FOXK1: variants seen among roughly 807,000 people sequenced by gnomAD.
The protein encoded by FOXK1 is forkhead box K1.
A neutral mutation model predicts 51.9 loss-of-function variants in FOXK1; 19 were observed. The ratio of observed to expected loss-of-function variants is 0.37; its 90% CI spans 0.26 to 0.54. The LOEUF (loss-of-function observed/expected upper bound fraction) is 0.54. Among genes scored for constraint, FOXK1 ranks in the 20% least tolerant of loss-of-function variants. The probability of loss-of-function intolerance (pLI) is 0.87; values close to 1 mark genes in which losing one functional copy is unlikely to be tolerated. For missense variants in FOXK1, 870 were observed against 1,032.7 expected (o/e 0.84, Z 2.16); for synonymous variants, 537 against 482.6 (o/e 1.11, Z -1.48).
At chr7:4,704,136 A>T (rs1343134740) in intron 1 of FOXK1, among the ~76,000 whole-genome samples, 1 of 152,090 alleles carries the variant, frequency 6.6e-6, no homozygotes, top group African/African-American at 2.4e-5. Context: ...AAGGTGAAAG[A>T]TTTTTTAAAA....
At chr7:4,701,586 T>C (rs938713359) in intron 1 of FOXK1, among the ~76,000 whole-genome samples, 3 of 151,986 alleles carry the variant, frequency 2.0e-5, no homozygotes, top group African/African-American at 4.8e-5. Flanking sequence ...CAAGATTCTG[T>C]CCCTGCAAAA....
At chr7:4,737,449 CGTGCACGT>C (rs1780567447) in intron 1 of FOXK1, among the ~76,000 whole-genome samples, 1 of 149,644 alleles carries the variant, frequency 6.7e-6, no homozygotes, top group Non-Finnish European at 1.5e-5. Context: ...CGTGTGTGTG[CGTGCACGT>C]GTGCATGTGT....
intron 1 of FOXK1, among the ~76,000 whole-genome samples, chr7:4,705,328 C>T (rs547822404): frequency 4.3e-4 from 65 of 151,764 alleles, no homozygotes; most frequent in African/African-American, 1.5e-3. Context: ...GCTGGGACTA[C>T]AGGCGCATGC....
Position 4,756,315 on chromosome 7 carries a change from A to G in FOXK1, c.1051-679A>G, listed in dbSNP as rs1465162009. 6.6e-6 allele frequency among the ~76,000 whole-genome samples: 1 copy of G among 151,940 alleles called. No homozygotes were observed. Among genetic ancestry groups the G allele is most frequent in the Non-Finnish European group, 1.5e-5 (1 of 67,976 alleles). On this transcript the variant is annotated intron_variant, in intron 4 of 8. Coordinates refer to ENST00000328914, the MANE Select transcript of FOXK1 (RefSeq NM_001037165.2). The surrounding 1 kb of genome is among the most constrained non-coding windows in gnomAD (Gnocchi z 4.1). ...TTTTTAGTAGAGATGGGGTTTCACCATGTTGCCCAGGCTGGTCTCAAACTC... is the reference window on the plus strand; with the variant it reads ...TTTTTAGTAGAGATGGGGTTTCACCGTGTTGCCCAGGCTGGTCTCAAACTC...
In FOXK1 at chr7:4,766,070, T is replaced by A. The variant is rs1364803789; in HGVS notation, c.*3606T>A. The A allele has an allele frequency of 6.6e-6, 1 of 152,360 alleles. No individual in the cohort carries two copies. The highest frequency in any genetic ancestry group is 1.5e-5 in the Non-Finnish European group (1 of 68,116). The allele number at this position is 152,360 out of a possible 1,614,324, so 9.4% of individuals were successfully genotyped here. On this transcript the variant is annotated 3_prime_UTR_variant, in exon 9 of 9. Transcript: ENST00000328914. The surrounding 1 kb of genome is among the most constrained non-coding windows in gnomAD (Gnocchi z 5.5). ...TGCCCATCCTCAGCCACTTGTGTCT[T>A]TCTTTCCATGTGGGAGTTCTCCCGG...
chr7:4,718,199 G>A (rs1418196353), intron 1 of FOXK1, among the ~76,000 whole-genome samples: 1 of 150,402 alleles, frequency 6.6e-6, no homozygotes, highest in Non-Finnish European at 1.5e-5. Context: ...TCACAGCCGG[G>A]AAGTTGGCAT....
intron 1 of FOXK1, among the ~76,000 whole-genome samples, chr7:4,738,771 A>C (rs539413061): frequency 6.6e-6 from 1 of 152,216 alleles, no homozygotes; most frequent in Non-Finnish European, 1.5e-5. Context: ...AGCGCCTGGC[A>C]CTGAACGATG....
Position 4,747,616 on chromosome 7 carries a change from A to G in FOXK1, c.746+6593A>G, listed in dbSNP as rs1454083077. 1.3e-5 allele frequency among the ~76,000 whole-genome samples: 2 copies of G among 151,184 alleles called. No individual in the cohort carries two copies. Among genetic ancestry groups the G allele is most frequent in the Non-Finnish European group, 3.0e-5 (2 of 67,764 alleles). On this transcript the variant is annotated intron_variant, in intron 2 of 8. Transcript: ENST00000328914. The surrounding 1 kb of genome is among the most constrained non-coding windows in gnomAD (Gnocchi z 9.2). ...AGTGGCACAGTCACAGCTCACTGCA[A>G]CCTCAACCTCCCGGGCTCAAGCGAT...
At position 4,745,426 on chromosome 7, in the gene FOXK1, C is replaced by G. The variant is rs1368862075; in HGVS notation, c.746+4403C>G. 4.0e-5 allele frequency among the ~76,000 whole-genome samples: 6 copies of G among 150,992 alleles called. No homozygotes were observed. Among genetic ancestry groups the G allele is most frequent in the East Asian group, 2.0e-4 (1 of 5,050 alleles). On this transcript the variant is annotated intron_variant, in intron 2 of 8. Coordinates refer to ENST00000328914, the MANE Select transcript of FOXK1 (RefSeq NM_001037165.2). This position sits in a 1 kb window ranked among gnomAD's most constrained non-coding sequence, Gnocchi z 4.3. Reference sequence around the variant, plus strand: ...TTCCTTTCCGTTTCTCGCAGGCCCTCGCTCCTTTTCCCAGGGTGGGTGGGT... The same window carrying G: ...TTCCTTTCCGTTTCTCGCAGGCCCTGGCTCCTTTTCCCAGGGTGGGTGGGT...
Position 4,749,301 on chromosome 7 carries a change from C to T in FOXK1, c.747-5158C>T, listed in dbSNP as rs1281147018. ...GGCTTCCCTGGGTCCCTCTTCTCTT[C>T]TGTTTTGCACCATGTTCCACCTGGT... On this transcript the variant is annotated intron_variant, in intron 2 of 8. Transcript: ENST00000328914. The surrounding 1 kb of genome is among the most constrained non-coding windows in gnomAD (Gnocchi z 6.0). Among the ~76,000 whole-genome samples, 1 of 152,196 alleles carries T rather than the reference C, an allele frequency of 6.6e-6. No individual in the cohort carries two copies. Among genetic ancestry groups the T allele is most frequent in the Non-Finnish European group, 1.5e-5 (1 of 68,042 alleles).
chr7:4,762,041 G>C lies in FOXK1; in HGVS notation c.1922-143G>C, dbSNP rs1780939255. On this transcript the variant is annotated intron_variant, in intron 8 of 8. Coordinates refer to ENST00000328914, the MANE Select transcript of FOXK1 (RefSeq NM_001037165.2). This position sits in a 1 kb window ranked among gnomAD's most constrained non-coding sequence, Gnocchi z 5.7. ...GGGACGGCAGGGCCCGCAGGGAGCA[G>C]AGCAAGGGTAGCCGTCCTGCCTGGC... is the stretch of plus-strand genomic sequence containing the variant. 14 of 961,992 alleles carry C rather than the reference G, an allele frequency of 1.5e-5. No individual in the cohort carries two copies. The highest frequency in any genetic ancestry group is 2.4e-4 in the Middle Eastern group (1 of 4,122). 59.6% of individuals were successfully genotyped at this position (961,992 alleles called of 1,614,324 possible). A position where few individuals can be genotyped will look rare whatever the true frequency, so the allele number is the denominator to read the frequency against.
rs1168553366 is a variant in FOXK1, at chr7:4,771,044, T to G, written c.*8580T>G. Reference sequence around the variant, plus strand: ...ATGTGAAGTTCTGGTCATGTCACCTTGCGTGTCTCACCCTGGAGGAGTGAA... The same window carrying G: ...ATGTGAAGTTCTGGTCATGTCACCTGGCGTGTCTCACCCTGGAGGAGTGAA... On this transcript the variant is annotated 3_prime_UTR_variant, in exon 9 of 9. Transcript: ENST00000328914. 6.6e-6 allele frequency: 1 copy of G among 152,568 alleles called. No individual in the cohort carries two copies. The highest frequency in any genetic ancestry group is 1.5e-5 in the Non-Finnish European group (1 of 68,052). The allele number at this position is 152,568 out of a possible 1,614,324, so 9.5% of individuals were successfully genotyped here.
In FOXK1 at chr7:4,761,043, G is replaced by A; in HGVS notation, c.1697-21G>A. 6.2e-7 allele frequency: 1 copy of A among 1,603,168 alleles called. No individual in the cohort carries two copies. The highest frequency in any genetic ancestry group is 8.5e-7 in the Non-Finnish European group (1 of 1,171,756). On this transcript the variant is annotated intron_variant, in intron 7 of 8. Coordinates refer to ENST00000328914, the MANE Select transcript of FOXK1 (RefSeq NM_001037165.2). This position sits in a 1 kb window ranked among gnomAD's most constrained non-coding sequence, Gnocchi z 6.2. ...TGTCTCGTTGGCCGAGTGTGGTGCT[G>A]ACTTGGTTCCTGTCCCGCAGGCCTG...
chr7:4,713,554 C>T (rs1001465435), intron 1 of FOXK1, among the ~76,000 whole-genome samples: 5 of 149,642 alleles, frequency 3.3e-5, no homozygotes, highest in African/African-American at 1.2e-4. Flanking sequence ...TGCAGTGGCG[C>T]GATCTCGGCT....
At chr7:4,714,504 A>C (rs904928497) in intron 1 of FOXK1, among the ~76,000 whole-genome samples, 2 of 152,096 alleles carry the variant, frequency 1.3e-5, no homozygotes, top group Non-Finnish European at 2.9e-5. Context: ...CCAACTCCTG[A>C]GCTCAAGCTA....
rs2115073860 is a variant in FOXK1, at chr7:4,758,003, T to C, written c.1244+816T>C. On this transcript the variant is annotated intron_variant, in intron 5 of 8. Transcript: ENST00000328914. The surrounding 1 kb of genome is among the most constrained non-coding windows in gnomAD (Gnocchi z 4.4). ...ACTGACTGTTGTATTAAAAATAAGA[T>C]TTTAGTTCTTAGAAGTGGAAATGTG... 1 of 152,320 alleles carries C rather than the reference T, an allele frequency of 6.6e-6. No homozygotes were observed. Among genetic ancestry groups the C allele is most frequent in the East Asian group, 1.9e-4 (1 of 5,194 alleles). 9.4% of individuals were successfully genotyped at this position (152,320 alleles called of 1,614,324 possible).
In FOXK1 at chr7:4,762,337, C is replaced by T; in HGVS notation, c.2075C>T (p.Ala692Val). ...TTPATATTAS[A>V]SASSTGEPEV... ...CCAGCCACTGCCACCACCGCCTCTG[C>T]CTCCGCCTCTTCCACTGGAGAGCCC... is the stretch of plus-strand genomic sequence containing the variant. Residue 692 changes from alanine to valine, a missense_variant, in exon 9 of 9, where the codon GCC becomes GTC. By Grantham distance (64) the Ala-to-Val change is moderately conservative (BLOSUM62 0). Around this residue, in one of 3 missense-constraint regions of FOXK1, gnomAD observed 457 missense variants for 510.8 expected, o/e 0.89. Transcript: ENST00000328914. The surrounding 1 kb of genome is among the most constrained non-coding windows in gnomAD (Gnocchi z 5.7). The T allele has an allele frequency of 6.4e-7, 1 of 1,550,982 alleles. No homozygotes were observed. Among genetic ancestry groups the T allele is most frequent in the Non-Finnish European group, 8.7e-7 (1 of 1,146,862 alleles).
At chr7:4,706,000 A>ATATATG (rs1562373104) in intron 1 of FOXK1, among the ~76,000 whole-genome samples, 4 of 104,804 alleles carry the variant, frequency 3.8e-5, no homozygotes, top group African/African-American at 2.7e-4. Flanking sequence ...ATACGTATAT[A>ATATATG]TACGTATATA....
chr7:4,687,412 C>T (rs1268549535), intron 1 of FOXK1, among the ~76,000 whole-genome samples: 1 of 152,012 alleles, frequency 6.6e-6, no homozygotes, highest in Non-Finnish European at 1.5e-5. Context: ...CCTGCCTCAG[C>T]CACCTGAGTA....
Sources: gnomAD v4.1 joint callset for allele counts (sites outside exome capture counted in the v4.1 genomes callset) on GRCh38, gnomAD v4.1.1 for gene constraint, gnomAD v4.1.1 regional missense constraint, Gnocchi (gnomAD v3.1) non-coding constraint, MANE v1.5 for transcripts, NCBI Gene and HGNC (gene_info 2026-07-23, HGNC 2026-07-21) for gene names.